Variants in ATXN2L observed in about 807,000 individuals in gnomAD.
ATXN2L encodes the protein ataxin-2-like protein.
A neutral mutation model predicts 120.7 loss-of-function variants in ATXN2L; 24 were observed. The ratio of observed to expected loss-of-function variants is 0.20; its 90% CI spans 0.14 to 0.28. The LOEUF is 0.28. Ranked by LOEUF, ATXN2L falls within the 10% of genes least tolerant of loss-of-function variation. The pLI, the probability that ATXN2L is intolerant of heterozygous loss-of-function variation, is 1.00. For synonymous variants in ATXN2L, 653 were observed against 568.1 expected, an observed-to-expected ratio of 1.15 and a Z score of -2.13; for missense variants, 1,312 against 1,432.3, an observed-to-expected ratio of 0.92 and a Z score of 1.36.
chr16:28,825,650 C>T lies in ATXN2L; in HGVS notation c.363C>T (p.Ser121=). The T allele has an allele frequency of 6.2e-7, 1 of 1,614,188 alleles. No homozygotes were observed. The highest frequency in any genetic ancestry group is 8.5e-7 in the Non-Finnish European group (1 of 1,180,016). The change falls in exon 3 of 22, where the codon TCC becomes TCT. Residue 121 remains serine (S), a synonymous_variant. Coordinates refer to ENST00000336783, the MANE Select transcript of ATXN2L (RefSeq NM_007245.4). ...SPVFEGVYNN[S]RMLHFLTAVV... is the part of the protein sequence containing the mutation. ...TGTTTGAAGGCGTCTACAACAATTC[C>T]AGAATGCTGCATTTCCTTACAGCTG...
chr16:28,827,711 A>G (rs1029181131), intron 6 of ATXN2L, among the ~76,000 whole-genome samples: 9 of 152,154 alleles, frequency 5.9e-5, no homozygotes, highest in Admixed American at 4.6e-4. Flanking sequence ...ACTGGACTCC[A>G]GTCTGAGCGA....
chr16:28,834,605 C>T lies in ATXN2L; in HGVS notation c.2345C>T (p.Thr782Met), dbSNP rs773607636. The change falls in exon 18 of 22, where the codon ACG (threonine) becomes ATG (methionine). Residue 782 changes from threonine (T) to methionine (M), a missense_variant. Physicochemically the swap from Thr to Met is moderately conservative, Grantham distance 81. Transcript: ENST00000336783. ...AAAGPPLVAATPYSSYIPYNP... is the reference protein window; with the variant it reads ...AAAGPPLVAAMPYSSYIPYNP... ...GCTGGCCCGCCTCTGGTGGCTGCCA[C>T]GCCCTATTCTTCCTACATCCCCTAC... 6 of 1,613,816 alleles carry T rather than the reference C, an allele frequency of 3.7e-6. No individual in the cohort carries two copies. In the Admixed American group the frequency reaches 6.7e-5, roughly 18 times the overall value.
intron 4 of ATXN2L, 154 bp from the exon 5 acceptor site, chr16:28,826,086 T>G (rs1487345528): frequency 1.1e-6 from 1 of 932,986 alleles, no homozygotes; most frequent in Non-Finnish European, 1.6e-6. Flanking sequence ...GAGAAAACAA[T>G]GCACTTGGTT....
rs760449452 is a variant in ATXN2L, at chr16:28,829,987, C to T, written c.963C>T (p.Arg321=). The T allele has an allele frequency of 2.0e-5, 32 of 1,614,080 alleles. No homozygotes were observed. The South Asian group carries it at 2.9e-4, about 14-fold the overall frequency. ...LRIAMENDDG[R]TEEEKHSAVQ... Reference sequence around the variant, plus strand: ...TCGCCATGGAGAACGACGATGGGCGCACTGAAGAGGAGAAGCACAGTGCAG... The same window carrying T: ...TCGCCATGGAGAACGACGATGGGCGTACTGAAGAGGAGAAGCACAGTGCAG... Residue 321 remains arginine (R), a synonymous_variant, in exon 8 of 22, where the codon CGC becomes CGT. Transcript: ENST00000336783.
rs1181549875 is a variant in ATXN2L, at chr16:28,823,046, C to T, written c.-214C>T. The T allele has an allele frequency of 9.2e-6, 3 of 325,520 alleles. No individual in the cohort carries two copies. The highest frequency in any genetic ancestry group is 1.7e-5 in the Non-Finnish European group (3 of 179,524). 20.2% of individuals were successfully genotyped at this position (325,520 alleles called of 1,614,324 possible). ...CCGGCTCGCGCCCTCTCGCTTTCCT[C>T]CAGCCGCGAGACCCCCTCCCCTTCC... On this transcript the variant is annotated 5_prime_UTR_variant, in exon 1 of 22. Coordinates refer to ENST00000336783, the MANE Select transcript of ATXN2L (RefSeq NM_007245.4).
In ATXN2L at chr16:28,823,096, C is replaced by T; in HGVS notation, c.-164C>T. 1 of 371,892 alleles carries T rather than the reference C, an allele frequency of 2.7e-6. No homozygotes were observed. 23.0% of individuals were successfully genotyped at this position (371,892 alleles called of 1,614,324 possible). On this transcript the variant is annotated 5_prime_UTR_variant, in exon 1 of 22. Coordinates refer to ENST00000336783, the MANE Select transcript of ATXN2L (RefSeq NM_007245.4). ...CGCCTCGCGGCGCTTCCTCGCGCCG[C>T]GGTCTTCTCTCTCCACCCCCGACAC...
chr16:28,823,370 C>T lies in ATXN2L; in HGVS notation c.111C>T (p.Gly37=), dbSNP rs950059648. 15 of 1,344,504 alleles carry T rather than the reference C, an allele frequency of 1.1e-5. No homozygotes were observed. The highest frequency in any genetic ancestry group is 3.0e-5 in the African/African-American group (2 of 66,094). The allele number at this position is 1,344,504 out of a possible 1,614,324, so 83.3% of individuals were successfully genotyped here. Residue 37 remains glycine, a synonymous_variant, in exon 1 of 22, where the codon GGC becomes GGT. Transcript: ENST00000336783. ...GGGGCACCAGCCCTCCCAACGGCGG[C>T]CTCCCGGGGCCGCTGGCCACCTCTG... ...PPGGTSPPNG[G]LPGPLATSAA...
At chr16:28,824,323 G>A in intron 1 of ATXN2L, 1 of 1,200,754 alleles carries the variant, frequency 8.3e-7, no homozygotes, top group Non-Finnish European at 1.1e-6. Flanking sequence ...AAGAGTGGCA[G>A]CACACGCAGG....
intron 7 of ATXN2L, 127 bp from the exon 8 acceptor site, chr16:28,829,731 C>A (rs1596909268): frequency 1.9e-6 from 2 of 1,029,106 alleles, no homozygotes; most frequent in Non-Finnish European, 2.9e-6. Context: ...TGCCCGTTAC[C>A]CAGATGTTGA....
At chr16:28,823,767 G>T (rs578136752) in intron 1 of ATXN2L, 2 of 455,518 alleles carry the variant, frequency 4.4e-6, no homozygotes, top group South Asian at 2.2e-4. Context: ...GCCGCGCTCG[G>T]CTCTCGGGGC....
intron 1 of ATXN2L, chr16:28,824,561 G>C: frequency 3.1e-6 from 4 of 1,284,490 alleles, no homozygotes; most frequent in Non-Finnish European, 3.0e-6. Flanking sequence ...CGGGCTGAAT[G>C]AGTCATGAGG....
At chr16:28,829,612 C>T (rs1374770484) in intron 7 of ATXN2L, 120 bp downstream of exon 7, 2 of 828,520 alleles carry the variant, frequency 2.4e-6, no homozygotes, top group African/African-American at 3.4e-5. Context: ...GGGTCGCCAT[C>T]CCTACTCCTA....
In ATXN2L at chr16:28,826,266, C is replaced by T; in HGVS notation, c.492C>T (p.His164=). 2 of 1,614,166 alleles carry T rather than the reference C, an allele frequency of 1.2e-6. No homozygotes were observed. Among genetic ancestry groups the T allele is most frequent in the Non-Finnish European group, 8.5e-7 (1 of 1,180,034 alleles). ...SKFELAVDAV[H]RKASEPAGGP... ...TTGAACTAGCCGTGGATGCTGTGCACCGGAAAGCATCTGAGCCAGCAGGTG... is the reference window on the plus strand; with the variant it reads ...TTGAACTAGCCGTGGATGCTGTGCATCGGAAAGCATCTGAGCCAGCAGGTG... The change falls in exon 5 of 22, where the codon CAC becomes CAT. Residue 164 remains histidine, a synonymous_variant. Transcript: ENST00000336783.
In ATXN2L at chr16:28,831,083, A is replaced by G; in HGVS notation, c.1321+11A>G. The G allele has an allele frequency of 1.3e-6, 2 of 1,555,980 alleles. No individual in the cohort carries two copies. The highest frequency in any genetic ancestry group is 2.3e-5 in the East Asian group (1 of 44,438). ...CACCTCCTCCTGCAGGTAAAGCTTT[A>G]GTAGTGTTGGATGAAGAAATGGATG... On this transcript the variant is annotated intron_variant, in intron 10 of 21. Coordinates refer to ENST00000336783, the MANE Select transcript of ATXN2L (RefSeq NM_007245.4).
At chr16:28,824,359 T>TGGG (rs149808056) in intron 1 of ATXN2L, 4 of 1,224,612 alleles carry the variant, frequency 3.3e-6, no homozygotes, top group Non-Finnish European at 4.2e-6. Context: ...TCGCTGGAGG[T>TGGG]GGGGGTTCGG....
chr16:28,834,609 C>T lies in ATXN2L; in HGVS notation c.2349C>T (p.Pro783=). The change falls in exon 18 of 22, where the codon CCC becomes CCT. Residue 783 remains proline (P), a synonymous_variant. Coordinates refer to ENST00000336783, the MANE Select transcript of ATXN2L (RefSeq NM_007245.4). The stretch of plus-strand genomic sequence containing the variant: ...GCCCGCCTCTGGTGGCTGCCACGCC[C>T]TATTCTTCCTACATCCCCTACAACC... ...AAGPPLVAAT[P]YSSYIPYNPQ... 1 of 1,613,834 alleles carries T rather than the reference C, an allele frequency of 6.2e-7. No homozygotes were observed. The highest frequency in any genetic ancestry group is 8.5e-7 in the Non-Finnish European group (1 of 1,179,996).
chr16:28,828,590 C>CAA (rs199840308), intron 6 of ATXN2L, among the ~76,000 whole-genome samples: 10 of 123,624 alleles, frequency 8.1e-5, no homozygotes, highest in East Asian at 4.9e-4. Flanking sequence ...TCTTTGTCTC[C>CAA]AAAAAAAAAA....
chr16:28,833,914 C>A, intron 15 of ATXN2L, 151 bp from the exon 16 acceptor site: 1 of 894,322 alleles, frequency 1.1e-6, no homozygotes. Flanking sequence ...ATACTCATCT[C>A]CTCATAGGGT....
rs115841744 is a variant in ATXN2L at position 28,824,118 on chromosome 16, C to G, written c.299+560C>G. The stretch of plus-strand genomic sequence containing the variant: ...AGGGATGACTGGGAGGACTGCGGGC[C>G]GGGAGCCTCTGGCGCGCGCGCCCCC... On this transcript the variant is annotated intron_variant, in intron 1 of 21. Transcript: ENST00000336783. 2.9e-6 allele frequency: 3 copies of G among 1,019,238 alleles called. No homozygotes were observed. The African/African-American group carries it at 5.2e-5, about 18-fold the overall frequency. The allele number at this position is 1,019,238 out of a possible 1,614,324, so 63.1% of individuals were successfully genotyped here.
Sources: gnomAD v4.1 joint callset for allele counts (sites outside exome capture counted in the v4.1 genomes callset) on GRCh38, gnomAD v4.1.1 for gene constraint, MANE v1.5 for transcripts, NCBI Gene and HGNC (gene_info 2026-07-23, HGNC 2026-07-21) for gene names.